CAST: variants seen among roughly 807,000 people sequenced by gnomAD.
The protein encoded by CAST is MIR583 host.
In CAST, 76 loss-of-function variants were observed where a neutral mutation model predicts 119.6. The ratio of observed to expected loss-of-function variants is 0.64; its 90% CI spans 0.53 to 0.77. The LOEUF (loss-of-function observed/expected upper bound fraction) is 0.77, where lower values mean the gene tolerates loss of function less well. Among genes scored for constraint, CAST ranks in the 30% least tolerant of loss-of-function variants. The pLI is 0.00. For synonymous variants in CAST, 319 were observed against 331.6 expected (o/e 0.96, Z 0.41); for missense variants, 953 against 946.5 (o/e 1.01, Z -0.09).
rs1759449077 is a variant in CAST at position 96,727,366 on chromosome 5, A to G, written c.337-123A>G. ...ACAAACTTAACTGATAATGTTTATAATTACATTAAAAATCATCTCTTTTGA... is the reference window on the plus strand; with the variant it reads ...ACAAACTTAACTGATAATGTTTATAGTTACATTAAAAATCATCTCTTTTGA... On this transcript the variant is annotated intron_variant, in intron 5 of 31. Transcript: ENST00000675179. 5.5e-6 allele frequency: 3 copies of G among 543,942 alleles called. No individual in the cohort carries two copies. The South Asian group carries it at 8.8e-5, about 16-fold the overall frequency. The allele number at this position is 543,942 out of a possible 1,614,324, so 33.7% of individuals were successfully genotyped here.
the CAST span, among the ~76,000 whole-genome samples, chr5:96,053,573 T>G: frequency 6.6e-6 from 1 of 152,212 alleles, no homozygotes; most frequent in South Asian, 2.1e-4. Context: ...CAGATCTTTA[T>G]TTTGCAATTT....
intron 1 of CAST, among the ~76,000 whole-genome samples, chr5:96,609,447 A>G (rs1257705225): frequency 6.6e-6 from 1 of 152,210 alleles, no homozygotes; most frequent in Non-Finnish European, 1.5e-5. Flanking sequence ...ACAAATCACT[A>G]ATAATCTTGT....
chr5:96,671,005 A>C (rs1437524652), intron 1 of CAST, among the ~76,000 whole-genome samples: 3 of 152,200 alleles, frequency 2.0e-5, no homozygotes, highest in Non-Finnish European at 4.4e-5. Context: ...TGGGTTTGCT[A>C]TGGCAGATTT....
At chr5:96,172,715 C>G in the CAST span, among the ~76,000 whole-genome samples, 100 of 152,244 alleles carry the variant, frequency 6.6e-4, no homozygotes, top group African/African-American at 2.2e-3. Flanking sequence ...AGATCCCTCT[C>G]TAGTTAGTTT....
the CAST span, among the ~76,000 whole-genome samples, chr5:96,254,229 C>A: frequency 2.6e-5 from 4 of 152,050 alleles, no homozygotes; most frequent in African/African-American, 9.7e-5. Flanking sequence ...CATATACTGA[C>A]CTACTCCTCT....
the CAST span, among the ~76,000 whole-genome samples, chr5:96,220,050 C>G: frequency 2.6e-5 from 4 of 152,160 alleles, no homozygotes; most frequent in African/African-American, 9.7e-5. Context: ...CTGTCTCCCA[C>G]GACAGAGACT....
the CAST span, among the ~76,000 whole-genome samples, chr5:96,300,126 A>G: frequency 6.6e-6 from 1 of 152,008 alleles, no homozygotes; most frequent in African/African-American, 2.4e-5. Context: ...TCATTTACCT[A>G]GTTTTGCTTT....
chr5:96,500,578 G>A, the CAST span, among the ~76,000 whole-genome samples: 1 of 152,188 alleles, frequency 6.6e-6, no homozygotes, highest in East Asian at 1.9e-4. Flanking sequence ...TTCCCTTATG[G>A]TCACAGAGGT....
At chr5:96,515,662 C>G in the CAST span, among the ~76,000 whole-genome samples, 1 of 152,134 alleles carries the variant, frequency 6.6e-6, no homozygotes, top group Admixed American at 6.5e-5. Context: ...CCCAGGCTCC[C>G]TTGCCTTCTG....
At chr5:96,701,264 G>C (rs1047416361) in intron 3 of CAST, among the ~76,000 whole-genome samples, 1 of 152,044 alleles carries the variant, frequency 6.6e-6, no homozygotes, top group Non-Finnish European at 1.5e-5. Context: ...TTACTCATCT[G>C]TACTCATCAG....
chr5:96,439,705 G>A, the CAST span, among the ~76,000 whole-genome samples: 2 of 152,266 alleles, frequency 1.3e-5, no homozygotes, highest in Non-Finnish European at 2.9e-5. Flanking sequence ...CCTCGGGGTT[G>A]CTTTCTAGCA....
intron 1 of CAST, among the ~76,000 whole-genome samples, chr5:96,634,552 C>T (rs936765655): frequency 6.6e-6 from 1 of 152,182 alleles, no homozygotes. Context: ...CTTCAGAGGA[C>T]AGGAGCAGCC....
intron 1 of CAST, among the ~76,000 whole-genome samples, chr5:96,630,195 A>G (rs1747798132): frequency 6.6e-6 from 1 of 152,230 alleles, no homozygotes; most frequent in Non-Finnish European, 1.5e-5. Flanking sequence ...CCAGCAAAGA[A>G]GCAATTAACC....
At chr5:96,320,763 C>A in the CAST span, among the ~76,000 whole-genome samples, 1 of 152,242 alleles carries the variant, frequency 6.6e-6, no homozygotes, top group African/African-American at 2.4e-5. Context: ...TATTTAACCT[C>A]ATAGAATTGC....
intron 31 of CAST, 138 bp from the exon 32 acceptor site, chr5:96,772,502 T>G (rs145411706): frequency 6.5e-6 from 1 of 152,802 alleles, no homozygotes; most frequent in Non-Finnish European, 1.5e-5. Flanking sequence ...ATTCTATTAA[T>G]CCACTTTCAT....
At chr5:96,254,212 A>G in the CAST span, among the ~76,000 whole-genome samples, 1 of 152,110 alleles carries the variant, frequency 6.6e-6, no homozygotes, top group Non-Finnish European at 1.5e-5. Context: ...TGCTTCATGG[A>G]AATATTCATA....
chr5:96,509,945 T>C, the CAST span, among the ~76,000 whole-genome samples: 1 of 152,182 alleles, frequency 6.6e-6, no homozygotes, highest in Admixed American at 6.5e-5. Context: ...CCCTACACAG[T>C]AGCAGGAAAG....
At chr5:96,764,066 T>C (rs190887659) in intron 25 of CAST, among the ~76,000 whole-genome samples, 14 of 152,276 alleles carry the variant, frequency 9.2e-5, no homozygotes, top group Admixed American at 8.5e-4. Flanking sequence ...GAAAGTTCTA[T>C]ACAGTATTGG....
At chr5:96,435,447 T>G in the CAST span, among the ~76,000 whole-genome samples, 1 of 152,238 alleles carries the variant, frequency 6.6e-6, no homozygotes, top group African/African-American at 2.4e-5. Context: ...CCAGAACTTC[T>G]GGCATGCAGA....
Sources: allele counts gnomAD v4.1 joint callset (sites outside exome capture counted in the v4.1 genomes callset), GRCh38; gene constraint gnomAD v4.1.1; transcripts MANE v1.5; gene names NCBI Gene and HGNC (gene_info 2026-07-23, HGNC 2026-07-21).